The following PCDHA10 variants were observed in gnomAD, a reference collection of about 807,000 sequenced individuals.
The protein encoded by PCDHA10 is protocadherin alpha-10.
A neutral mutation model predicts 61.2 loss-of-function variants in PCDHA10; 45 were observed. That is an observed-to-expected ratio of 0.74 (90% CI 0.58 to 0.94). The LOEUF is 0.94. Ranked by LOEUF, PCDHA10 falls within the 40% of genes least tolerant of loss-of-function variation. PCDHA10 has a pLI of 0.00. For missense variants in PCDHA10, 1,278 were observed against 1,236.2 expected (o/e 1.03, Z -0.51); for synonymous variants, 602 against 548.8 (o/e 1.10, Z -1.35).
intron 2 of PCDHA10, among the ~76,000 whole-genome samples, chr5:140,980,943 T>C (rs573281233): frequency 1.6e-4 from 25 of 152,172 alleles, no homozygotes; most frequent in Non-Finnish European, 3.1e-4. Context: ...CTGAGCTGGC[T>C]CCAGGATAGT....
At chr5:140,928,240 C>G (rs1174659124) in intron 1 of PCDHA10, 1 of 1,614,108 alleles carries the variant, frequency 6.2e-7, no homozygotes, top group Non-Finnish European at 8.5e-7. Flanking sequence ...TCAACCCCAG[C>G]AGGAACTTTT....
intron 3 of PCDHA10, among the ~76,000 whole-genome samples, chr5:140,984,610 G>A (rs2097110934): frequency 6.6e-6 from 1 of 152,188 alleles, no homozygotes; most frequent in African/African-American, 2.4e-5. Flanking sequence ...CTCTGCATCA[G>A]TGGTGTAAAG....
At chr5:140,945,190 G>A (rs1372387920) in intron 1 of PCDHA10, among the ~76,000 whole-genome samples, 1 of 152,000 alleles carries the variant, frequency 6.6e-6, no homozygotes, top group Non-Finnish European at 1.5e-5. Flanking sequence ...AGAAAACCAT[G>A]CTATTTACAA....
rs182070121 is a variant in PCDHA10, at chr5:140,953,927, G to A, written c.2389-25022G>A. On this transcript the variant is annotated intron_variant, in intron 1 of 3. Coordinates refer to ENST00000307360, the MANE Select transcript of PCDHA10 (RefSeq NM_018901.4). ...GCATCCATTAGGTATTCTTCCTGAT[G>A]CTCTCCCTCCCATTGCTCCCCCAAC... Among the ~76,000 whole-genome samples the A allele has an allele frequency of 2.1e-3, 313 of 152,142 alleles. 1 individual carries two copies. The highest frequency in any genetic ancestry group is 7.1e-3 in the African/African-American group (295 of 41,500).
chr5:140,870,194 C>G, intron 1 of PCDHA10: 1 of 1,614,168 alleles, frequency 6.2e-7, no homozygotes, highest in Non-Finnish European at 8.5e-7. Context: ...GACGCTCAGC[C>G]CAGCACGGTC....
chr5:140,971,165 G>A (rs1390176241), intron 1 of PCDHA10, among the ~76,000 whole-genome samples: 1 of 152,136 alleles, frequency 6.6e-6, no homozygotes, highest in Non-Finnish European at 1.5e-5. Context: ...GCTCAGCTTT[G>A]CCACCAGCTG....
intron 1 of PCDHA10, among the ~76,000 whole-genome samples, chr5:140,969,746 T>C (rs1353204080): frequency 6.6e-6 from 1 of 152,224 alleles, no homozygotes; most frequent in African/African-American, 2.4e-5. Context: ...ATGAGTGATG[T>C]TTCTTAAAAA....
chr5:140,992,017 CTGTGTGTGTG>C (rs10602499), intron 3 of PCDHA10, among the ~76,000 whole-genome samples: 1 of 145,512 alleles, frequency 6.9e-6, no homozygotes, highest in Non-Finnish European at 1.5e-5. Context: ...AGAGGTGGCT[CTGTGTGTGTG>C]TGTGTGTGTG....
chr5:140,926,805 G>A, intron 1 of PCDHA10: 2 of 1,452,468 alleles, frequency 1.4e-6, no homozygotes, highest in Non-Finnish European at 9.0e-7. Flanking sequence ...GCTCTTCCCC[G>A]CGGCTCGTGC....
chr5:140,979,359 T>C (rs1554240585), intron 2 of PCDHA10, among the ~76,000 whole-genome samples: 1 of 152,206 alleles, frequency 6.6e-6, no homozygotes, highest in Non-Finnish European at 1.5e-5. Context: ...TACTCATGCT[T>C]TGAGACTTGG....
At chr5:140,910,067 G>C (rs868941459) in intron 1 of PCDHA10, among the ~76,000 whole-genome samples, 1 of 152,194 alleles carries the variant, frequency 6.6e-6, no homozygotes, top group Non-Finnish European at 1.5e-5. Flanking sequence ...TTTTAACAGC[G>C]TAAATTGTTG....
At chr5:140,919,940 A>C (rs1162813087) in intron 1 of PCDHA10, among the ~76,000 whole-genome samples, 3 of 152,064 alleles carry the variant, frequency 2.0e-5, no homozygotes, top group African/African-American at 7.2e-5. Context: ...GGCTAATTCC[A>C]GTGAAAAGTT....
chr5:140,941,862 T>G (rs1007783083), intron 1 of PCDHA10, among the ~76,000 whole-genome samples: 33 of 152,238 alleles, frequency 2.2e-4, no homozygotes, highest in African/African-American at 7.7e-4. Context: ...TTCCCTATCA[T>G]AGAGTTCTAT....
Position 140,884,117 on chromosome 5 carries a change from G to A in PCDHA10, c.2388+25681G>A, listed in dbSNP as rs782383006. 1 of 1,613,298 alleles carries A rather than the reference G, an allele frequency of 6.2e-7. No homozygotes were observed. The highest frequency in any genetic ancestry group is 1.7e-5 in the Admixed American group (1 of 60,006). On this transcript the variant is annotated intron_variant, in intron 1 of 3. Transcript: ENST00000307360. ...GTATGAATTGCAGCTGGCGGCGGTC[G>A]GCGCGCGCATCCCGTTCCGCGTGGG...
chr5:140,875,928 T>C (rs782425352), intron 1 of PCDHA10: 1 of 1,614,188 alleles, frequency 6.2e-7, no homozygotes, highest in South Asian at 1.1e-5. Flanking sequence ...ACTCTCATTT[T>C]CCTCTAGAGG....
chr5:140,897,716 G>A (rs1554187531), intron 1 of PCDHA10, among the ~76,000 whole-genome samples: 1 of 152,144 alleles, frequency 6.6e-6, no homozygotes, highest in African/African-American at 2.4e-5. Context: ...TAATGGGATG[G>A]CTGGGTCAAA....
chr5:140,928,824 A>C (rs782336122), intron 1 of PCDHA10: 2 of 1,614,110 alleles, frequency 1.2e-6, no homozygotes, highest in Non-Finnish European at 1.7e-6. Flanking sequence ...ATGGAGACCC[A>C]CCACTTTCCT....
intron 1 of PCDHA10, among the ~76,000 whole-genome samples, chr5:140,943,906 C>T (rs963288804): frequency 2.0e-5 from 3 of 152,156 alleles, no homozygotes; most frequent in African/African-American, 7.2e-5. Context: ...ATGTCATGAG[C>T]ACTTTAGCAT....
At chr5:140,965,311 T>G (rs1415569065) in intron 1 of PCDHA10, among the ~76,000 whole-genome samples, 1 of 152,180 alleles carries the variant, frequency 6.6e-6, no homozygotes, top group Non-Finnish European at 1.5e-5. Context: ...TTCTACCTTC[T>G]CTTTTACTGA....
Sources: gnomAD v4.1 joint callset for allele counts (sites outside exome capture counted in the v4.1 genomes callset) on GRCh38, gnomAD v4.1.1 for gene constraint, MANE v1.5 for transcripts, NCBI Gene and HGNC (gene_info 2026-07-23, HGNC 2026-07-21) for gene names.